The following PRR16 variants were observed in gnomAD, a reference collection of about 807,000 sequenced individuals.
The protein encoded by PRR16 is protein Largen.
A neutral mutation model predicts 18.2 loss-of-function variants in PRR16; 6 were observed. The ratio of observed to expected loss-of-function variants is 0.33; its 90% CI spans 0.18 to 0.65. The LOEUF (loss-of-function observed/expected upper bound fraction) is 0.65. Among genes scored for constraint, PRR16 ranks in the 30% least tolerant of loss-of-function variants. The pLI is 0.74. For synonymous variants in PRR16, 151 were observed against 147.8 expected, an observed-to-expected ratio of 1.02 and a Z score of -0.16; for missense variants, 412 against 376.6, an observed-to-expected ratio of 1.09 and a Z score of -0.78.
At chr5:120,491,277 C>T (rs914386527) in intron 1 of PRR16, among the ~76,000 whole-genome samples, 7 of 152,020 alleles carry the variant, frequency 4.6e-5, no homozygotes, top group African/African-American at 7.2e-5. Context: ...GAAAATAACT[C>T]GGCCTTGAGA....
At chr5:120,734,826 C>G in the PRR16 span, among the ~76,000 whole-genome samples, 1 of 152,194 alleles carries the variant, frequency 6.6e-6, no homozygotes, top group Middle Eastern at 3.4e-3. Flanking sequence ...TATTGAATAT[C>G]GGTACAAATC....
chr5:120,656,375 C>T (rs1016082675), intron 1 of PRR16, among the ~76,000 whole-genome samples: 4 of 149,672 alleles, frequency 2.7e-5, no homozygotes. Flanking sequence ...TGGTAGCTAT[C>T]ATGTGAAAAC....
the PRR16 span, among the ~76,000 whole-genome samples, chr5:120,722,923 A>G: frequency 2.6e-5 from 4 of 151,476 alleles, no homozygotes; most frequent in South Asian, 2.1e-4. Context: ...ATCTATCTCT[A>G]TATTTACATC....
intron 1 of PRR16, among the ~76,000 whole-genome samples, chr5:120,500,212 C>G (rs1328415706): frequency 6.6e-6 from 1 of 152,122 alleles, no homozygotes; most frequent in Non-Finnish European, 1.5e-5. Context: ...TAGACTGTTT[C>G]TTTTCTCAAG....
chr5:120,647,686 C>G (rs920560108), intron 1 of PRR16, among the ~76,000 whole-genome samples: 2 of 152,018 alleles, frequency 1.3e-5, no homozygotes, highest in African/African-American at 4.8e-5. Flanking sequence ...TTTTGGCTTA[C>G]TTCTGAACCC....
chr5:120,754,393 G>A, the PRR16 span, among the ~76,000 whole-genome samples: 208 of 19,664 alleles, frequency 0.011, 4 homozygotes, highest in African/African-American at 0.05. Context: ...TATATTATAT[G>A]TTATATATTA....
At chr5:120,684,816 T>C (rs528832129) in intron 1 of PRR16, among the ~76,000 whole-genome samples, 4 of 152,318 alleles carry the variant, frequency 2.6e-5, no homozygotes, top group African/African-American at 9.6e-5. Flanking sequence ...AACTGCATTG[T>C]CTAAGATACT....
chr5:120,643,098 T>A (rs1215891867), intron 1 of PRR16, among the ~76,000 whole-genome samples: 2 of 152,118 alleles, frequency 1.3e-5, no homozygotes, highest in African/African-American at 4.8e-5. Flanking sequence ...CATAGTGATA[T>A]GGGCCTTCAT....
the PRR16 span, among the ~76,000 whole-genome samples, chr5:120,780,170 C>T: frequency 6.6e-6 from 1 of 152,098 alleles, no homozygotes; most frequent in Non-Finnish European, 1.5e-5. Context: ...TACTTATGAG[C>T]CCCAGACTCC....
chr5:120,773,155 C>T, the PRR16 span, among the ~76,000 whole-genome samples: 1 of 152,112 alleles, frequency 6.6e-6, no homozygotes, highest in South Asian at 2.1e-4. Flanking sequence ...CGTTAAGACT[C>T]TTACCCAGTG....
chr5:120,489,541 T>C (rs1479159811), intron 1 of PRR16, among the ~76,000 whole-genome samples: 1 of 152,208 alleles, frequency 6.6e-6, no homozygotes, highest in African/African-American at 2.4e-5. Context: ...TGAGCCTATG[T>C]GTGTCTCTGC....
chr5:120,736,976 A>G, the PRR16 span, among the ~76,000 whole-genome samples: 2 of 152,192 alleles, frequency 1.3e-5, no homozygotes, highest in Non-Finnish European at 2.9e-5. Context: ...AGTTCTAACA[A>G]TGTATTTGTG....
chr5:120,615,379 CTTTTCTT>C (rs1309191968), intron 1 of PRR16, among the ~76,000 whole-genome samples: 1 of 105,232 alleles, frequency 9.5e-6, no homozygotes, highest in East Asian at 2.5e-4. Flanking sequence ...CTTTTTCTTT[CTTTTCTT>C]TTTTTTTTTT....
chr5:120,605,049 G>T (rs918321973), intron 1 of PRR16, among the ~76,000 whole-genome samples: 1 of 152,100 alleles, frequency 6.6e-6, no homozygotes, highest in East Asian at 1.9e-4. Context: ...TATCTTACAG[G>T]CATTCTCTGA....
chr5:120,710,913 G>A, the PRR16 span: 1 of 150,698 alleles, frequency 6.6e-6, no homozygotes, highest in Middle Eastern at 3.4e-3. Flanking sequence ...AGAGTTAGTA[G>A]GGCTCTGGTC....
chr5:120,756,851 A>G, the PRR16 span, among the ~76,000 whole-genome samples: 1 of 152,076 alleles, frequency 6.6e-6, no homozygotes. Flanking sequence ...TTTAGAACTT[A>G]GTATAAATTC....
intron 1 of PRR16, among the ~76,000 whole-genome samples, chr5:120,683,582 T>A (rs1228381760): frequency 6.6e-6 from 1 of 152,204 alleles, no homozygotes; most frequent in East Asian, 1.9e-4. Context: ...CCCTGTTATT[T>A]TTAATTATTT....
At chr5:120,617,134 C>T in intron 1 of PRR16, 1 of 985,316 alleles carries the variant, frequency 1.0e-6, no homozygotes, top group Non-Finnish European at 1.2e-6. Context: ...CATGATGAAA[C>T]AGGGAAACAG....
At chr5:120,684,915 G>A (rs551088563) in intron 1 of PRR16, among the ~76,000 whole-genome samples, 57 of 152,286 alleles carry the variant, frequency 3.7e-4, no homozygotes, top group Non-Finnish European at 4.4e-5. Flanking sequence ...AGCCTTATCT[G>A]AGTCCCTGGC....
Sources: allele counts gnomAD v4.1 joint callset (sites outside exome capture counted in the v4.1 genomes callset), GRCh38; gene constraint gnomAD v4.1.1; transcripts MANE v1.5; gene names NCBI Gene and HGNC (gene_info 2026-07-23, HGNC 2026-07-21).